Variants in FGF12 observed in about 807,000 individuals in gnomAD.
FGF12 encodes the protein fibroblast growth factor 12.
In FGF12, 14 loss-of-function variants were observed where a neutral mutation model predicts 23.6. That is an observed-to-expected ratio of 0.59 (90% CI 0.39 to 0.93). The LOEUF (loss-of-function observed/expected upper bound fraction) is 0.93. FGF12 is among the 40% of genes least tolerant of loss of function. The probability of loss-of-function intolerance (pLI) is 0.00; values close to 1 mark genes in which losing one functional copy is unlikely to be tolerated. For missense variants in FGF12, 175 were observed against 217.8 expected (o/e 0.80, Z 1.24); for synonymous variants, 62 against 77.3 (o/e 0.80, Z 1.04).
At chr3:192,486,165 A>T (rs1315114289) in intron 2 of FGF12, among the ~76,000 whole-genome samples, 1 of 152,150 alleles carries the variant, frequency 6.6e-6, no homozygotes, top group African/African-American at 2.4e-5. Context: ...TTATGCAGTG[A>T]TCCATCCATT....
At chr3:192,206,939 T>C (rs1218039849) in intron 4 of FGF12, among the ~76,000 whole-genome samples, 1 of 152,208 alleles carries the variant, frequency 6.6e-6, no homozygotes, top group Non-Finnish European at 1.5e-5. Flanking sequence ...TGGGGGTGAA[T>C]GTAAACTTTA....
intron 2 of FGF12, among the ~76,000 whole-genome samples, chr3:192,723,872 AGAGAGAGGAGAGGAGAGGAGAG>A (rs1560206413): frequency 7.4e-6 from 1 of 135,928 alleles, no homozygotes; most frequent in Non-Finnish European, 1.6e-5. Context: ...TGAGAGAGAG[AGAGAGAGGAGAGGAGAGGAGAG>A]GAGAGGAAAG....
intron 2 of FGF12, among the ~76,000 whole-genome samples, chr3:192,588,360 A>AAAAG (rs1553835727): frequency 3.5e-5 from 5 of 142,648 alleles, no homozygotes; most frequent in Non-Finnish European, 6.1e-5. Flanking sequence ...AAAAAAAAAA[A>AAAAG]AAAAAAAGAA....
chr3:192,430,229 T>C (rs1002118977), intron 2 of FGF12, among the ~76,000 whole-genome samples: 3 of 152,072 alleles, frequency 2.0e-5, no homozygotes, highest in African/African-American at 7.2e-5. Context: ...ATGGATGAAC[T>C]TGAGGGCATT....
At chr3:192,679,570 C>T (rs1318770575) in intron 2 of FGF12, among the ~76,000 whole-genome samples, 3 of 151,930 alleles carry the variant, frequency 2.0e-5, no homozygotes. Flanking sequence ...TGTGCCACCG[C>T]ACTCCAACCT....
chr3:192,368,592 G>A (rs1719087759), intron 2 of FGF12, among the ~76,000 whole-genome samples: 1 of 152,100 alleles, frequency 6.6e-6, no homozygotes, highest in East Asian at 1.9e-4. Flanking sequence ...CAGATTAGAG[G>A]CTCTCTGAAG....
At chr3:192,197,551 G>A (rs890019293) in intron 4 of FGF12, among the ~76,000 whole-genome samples, 10 of 152,134 alleles carry the variant, frequency 6.6e-5, no homozygotes, top group Admixed American at 6.5e-5. Context: ...GAAGGGAAAT[G>A]TGTTGCTTTC....
intron 4 of FGF12, among the ~76,000 whole-genome samples, chr3:192,233,783 C>A (rs763916899): frequency 6.6e-6 from 1 of 152,082 alleles, no homozygotes; most frequent in East Asian, 1.9e-4. Flanking sequence ...GATCCCAGCA[C>A]CATTTACTGA....
At chr3:192,701,211 A>C (rs1718284837) in intron 2 of FGF12, among the ~76,000 whole-genome samples, 1 of 152,172 alleles carries the variant, frequency 6.6e-6, no homozygotes, top group Non-Finnish European at 1.5e-5. Flanking sequence ...TGTCAATCAG[A>C]AAATCTTTGA....
Position 192,335,454 on chromosome 3 carries a change from A to G in FGF12, c.135T>C (p.Asn45=). The change falls in exon 4 of 6, where the codon AAT becomes AAC. Residue 45 remains asparagine (N), a synonymous_variant. Coordinates refer to ENST00000445105, the MANE Select transcript of FGF12 (RefSeq NM_004113.6). Reference sequence around the variant, plus strand: ...CTACACGCAGGCCCACGGGAATTAGATTGAAGAGAGCTGGGGGGAGAAAAA... The same window carrying G: ...CTACACGCAGGCCCACGGGAATTAGGTTGAAGAGAGCTGGGGGGAGAAAAA... The part of the protein sequence containing the change: ...KDENSDYTLF[N]LIPVGLRVVA... The G allele has an allele frequency of 6.2e-7, 1 of 1,611,638 alleles. No homozygotes were observed. The highest frequency in any genetic ancestry group is 8.5e-7 in the Non-Finnish European group (1 of 1,178,088).
intron 2 of FGF12, among the ~76,000 whole-genome samples, chr3:192,718,701 A>T (rs1718940987): frequency 6.6e-6 from 1 of 152,104 alleles, no homozygotes; most frequent in African/African-American, 2.4e-5. Context: ...CCATATACAA[A>T]CTTTAGCCAA....
chr3:192,580,952 T>A (rs1223679370), intron 2 of FGF12, among the ~76,000 whole-genome samples: 1 of 152,228 alleles, frequency 6.6e-6, no homozygotes, highest in African/African-American at 2.4e-5. Flanking sequence ...TAATTTGAAG[T>A]AGATTTATTT....
intron 2 of FGF12, among the ~76,000 whole-genome samples, chr3:192,672,156 T>C (rs554040559): frequency 7.2e-6 from 1 of 138,722 alleles, no homozygotes; most frequent in Admixed American, 7.2e-5. Context: ...AGAGGCTTTA[T>C]GTGTTTCATA....
chr3:192,498,451 G>A (rs1409578974), intron 2 of FGF12, among the ~76,000 whole-genome samples: 1 of 152,208 alleles, frequency 6.6e-6, no homozygotes, highest in African/African-American at 2.4e-5. Flanking sequence ...TAGTTCAACT[G>A]TTCTCTCTGA....
rs192251225 is a variant in FGF12 at position 192,443,528 on chromosome 3, T to C, written c.14-82990A>G. On this transcript the variant is annotated intron_variant, in intron 2 of 5. Coordinates refer to ENST00000445105, the MANE Select transcript of FGF12 (RefSeq NM_004113.6). The stretch of plus-strand genomic sequence containing the variant: ...GTATTTAACTGTATCTTTCAGGCCA[T>C]TGAAGATTTTGAAAAGCAGTTGCAA... Among the ~76,000 whole-genome samples, 326 of 152,358 alleles carry C rather than the reference T, an allele frequency of 2.1e-3. 4 individuals carry two copies. Among genetic ancestry groups the C allele is most frequent in the East Asian group, 0.015 (78 of 5,194 alleles).
intron 2 of FGF12, among the ~76,000 whole-genome samples, chr3:192,444,732 C>T (rs367754192): frequency 2.6e-5 from 4 of 152,124 alleles, no homozygotes; most frequent in African/African-American, 9.7e-5. Context: ...CTTCCCTCTG[C>T]GAATTAGACT....
At chr3:192,419,413 T>C (rs1446283362) in intron 2 of FGF12, among the ~76,000 whole-genome samples, 1 of 152,108 alleles carries the variant, frequency 6.6e-6, no homozygotes, top group Non-Finnish European at 1.5e-5. Context: ...GTGCAAGAGA[T>C]TCACACTAAG....
At chr3:192,270,017 T>C (rs1713332875) in intron 4 of FGF12, among the ~76,000 whole-genome samples, 1 of 152,212 alleles carries the variant, frequency 6.6e-6, no homozygotes, top group Non-Finnish European at 1.5e-5. Flanking sequence ...AATACTGTAG[T>C]ATTACTGAAA....
intron 2 of FGF12, among the ~76,000 whole-genome samples, chr3:192,433,297 T>A (rs898912218): frequency 6.6e-6 from 1 of 152,218 alleles, no homozygotes; most frequent in African/African-American, 2.4e-5. Context: ...GTGTCTTCTT[T>A]CACCTCCTAC....
Sources: allele counts gnomAD v4.1 joint callset (sites outside exome capture counted in the v4.1 genomes callset), GRCh38; gene constraint gnomAD v4.1.1; transcripts MANE v1.5; gene names NCBI Gene and HGNC (gene_info 2026-07-23, HGNC 2026-07-21).